GRID2: variants seen among roughly 807,000 people sequenced by gnomAD.
GRID2 encodes glutamate ionotropic receptor delta type subunit 2, also known as glutamate receptor ionotropic, delta-2.
In GRID2, 33 loss-of-function variants were observed where a neutral mutation model predicts 114.8. The observed-to-expected ratio is 0.29, with a 90% CI of 0.22 to 0.38. GRID2 has a LOEUF of 0.38. Among genes scored for constraint, GRID2 ranks in the 10% least tolerant of loss-of-function variants. The pLI is 1.00. For synonymous variants in GRID2, 505 were observed against 449.9 expected (o/e 1.12, Z -1.55); for missense variants, 1,184 against 1,257.7 (o/e 0.94, Z 0.89).
chr4:92,408,431 C>CTTTTTTTTTTTTTTTTTT lies in GRID2; in HGVS notation c.88+103702_88+103719dup, dbSNP rs35638036. Among the ~76,000 whole-genome samples the CTTTTTTTTTTTTTTTTTT allele has an allele frequency of 9.8e-4, 19 of 19,422 alleles. 2 individuals are homozygous for CTTTTTTTTTTTTTTTTTT. The highest frequency in any genetic ancestry group is 1.3e-3 in the South Asian group (1 of 796). 12.7% of individuals were successfully genotyped at this position (19,422 alleles called of 152,430 possible). A position where few individuals can be genotyped will look rare whatever the true frequency, so the allele number is the denominator to read the frequency against. ...TACAATTATATTGCCTATTCAAGCT[C>CTTTTTTTTTTTTTTTTTT]TTTTTTTTTTTTTTTTTTTTTTTTT... On this transcript the variant is annotated intron_variant, in intron 1 of 15. Transcript: ENST00000282020.
At chr4:92,827,891 C>A (rs1444656326) in intron 2 of GRID2, among the ~76,000 whole-genome samples, 1 of 152,102 alleles carries the variant, frequency 6.6e-6, no homozygotes. Flanking sequence ...GCTGTCAAGT[C>A]ATTTGTTTGG....
chr4:92,362,338 GT>G (rs1285631779), intron 1 of GRID2, among the ~76,000 whole-genome samples: 8 of 150,992 alleles, frequency 5.3e-5, no homozygotes, highest in Non-Finnish European at 7.4e-5. Flanking sequence ...AAAGTGGGAA[GT>G]ATGATTTTTT....
chr4:93,594,451 C>A (rs1738807557), intron 13 of GRID2, among the ~76,000 whole-genome samples: 1 of 152,204 alleles, frequency 6.6e-6, no homozygotes, highest in Non-Finnish European at 1.5e-5. Flanking sequence ...CCACTGCTCT[C>A]TTCAAAGCTG....
intron 1 of GRID2, among the ~76,000 whole-genome samples, chr4:92,473,178 C>T (rs1560654105): frequency 6.6e-6 from 1 of 152,044 alleles, no homozygotes; most frequent in South Asian, 2.1e-4. Context: ...CCCTTCACAC[C>T]TTTATCAAAA....
intron 10 of GRID2, among the ~76,000 whole-genome samples, chr4:93,431,555 A>G (rs1769410272): frequency 6.6e-6 from 1 of 152,218 alleles, no homozygotes; most frequent in Non-Finnish European, 1.5e-5. Context: ...TGGTTACCCA[A>G]GCCAGAACTC....
rs139519410 is a variant in GRID2, at chr4:93,149,823, T to A, written c.735+38870T>A. On this transcript the variant is annotated intron_variant, in intron 4 of 15. Coordinates refer to ENST00000282020, the MANE Select transcript of GRID2 (RefSeq NM_001510.4). Reference sequence around the variant, plus strand: ...TAATTTTTTAATTTTCTTGTAGAGATGAGGTCTCACTATGTTGACCAGGCC... The same window carrying A: ...TAATTTTTTAATTTTCTTGTAGAGAAGAGGTCTCACTATGTTGACCAGGCC... Among the ~76,000 whole-genome samples the A allele has an allele frequency of 4.5e-3, 685 of 152,056 alleles. 5 individuals are homozygous for A. Among genetic ancestry groups the A allele is most frequent in the African/African-American group, 0.016 (646 of 41,492 alleles).
chr4:92,917,319 A>G (rs1047923734), intron 2 of GRID2, among the ~76,000 whole-genome samples: 1 of 151,912 alleles, frequency 6.6e-6, no homozygotes, highest in Non-Finnish European at 1.5e-5. Context: ...TTGCCTGTTC[A>G]CTCTGATGGT....
intron 13 of GRID2, among the ~76,000 whole-genome samples, chr4:93,623,004 CATAGTGCTCTAATATTG>C (rs1269112774): frequency 2.6e-5 from 4 of 152,052 alleles, no homozygotes; most frequent in Non-Finnish European, 5.9e-5. Context: ...TGTGATGTGA[CATAGTGCTCTAATATTG>C]ACATTTTTGC....
intron 2 of GRID2, among the ~76,000 whole-genome samples, chr4:92,778,252 C>T (rs969043617): frequency 2.0e-5 from 3 of 152,060 alleles, no homozygotes; most frequent in African/African-American, 7.2e-5. Flanking sequence ...TTTAAATCGA[C>T]AATTGCTCTT....
chr4:93,078,283 CA>C lies in GRID2; in HGVS notation c.245-6709del, dbSNP rs750237334. The stretch of plus-strand genomic sequence containing the variant: ...TGCAGCTCTATAGTCACTTCTGTAG[CA>C]AAGGCTTCCCCAATCTCTAGTTGAG... On this transcript the variant is annotated intron_variant, in intron 2 of 15. Coordinates refer to ENST00000282020, the MANE Select transcript of GRID2 (RefSeq NM_001510.4). Among the ~76,000 whole-genome samples, 10 of 152,166 alleles carry C rather than the reference CA, an allele frequency of 6.6e-5. 1 individual carries two copies. The highest frequency in any genetic ancestry group is 1.5e-4 in the Non-Finnish European group (10 of 68,026).
At chr4:92,776,944 C>G (rs989900743) in intron 2 of GRID2, among the ~76,000 whole-genome samples, 5 of 151,710 alleles carry the variant, frequency 3.3e-5, no homozygotes, top group African/African-American at 1.2e-4. Flanking sequence ...GTGAAGTGAT[C>G]TGAAATATGT....
At chr4:92,756,089 C>A (rs183473653) in intron 2 of GRID2, among the ~76,000 whole-genome samples, 1 of 152,070 alleles carries the variant, frequency 6.6e-6, no homozygotes, top group African/African-American at 2.4e-5. Flanking sequence ...TCTTCACACG[C>A]GTCCCCACCC....
chr4:93,013,142 C>T (rs1722350972), intron 2 of GRID2, among the ~76,000 whole-genome samples: 1 of 152,022 alleles, frequency 6.6e-6, no homozygotes, highest in Non-Finnish European at 1.5e-5. Context: ...AGAGTAATGT[C>T]TGCTTTCCTT....
intron 2 of GRID2, among the ~76,000 whole-genome samples, chr4:92,965,096 G>A (rs984504153): frequency 1.3e-4 from 20 of 151,868 alleles, no homozygotes; most frequent in African/African-American, 4.8e-4. Flanking sequence ...ACTTGAGCAT[G>A]TAGAGACCAT....
chr4:92,316,196 T>C (rs1354977224), intron 1 of GRID2, among the ~76,000 whole-genome samples: 1 of 151,774 alleles, frequency 6.6e-6, no homozygotes, highest in African/African-American at 2.4e-5. Flanking sequence ...CTTCTGTGAA[T>C]GGAAATAACA....
At chr4:92,609,377 T>A (rs1377136752) in intron 2 of GRID2, among the ~76,000 whole-genome samples, 1 of 151,290 alleles carries the variant, frequency 6.6e-6, no homozygotes, top group African/African-American at 2.4e-5. Context: ...TCTGGGAATG[T>A]ATATTCTAGT....
At chr4:93,485,321 A>T (rs1170859840) in intron 11 of GRID2, among the ~76,000 whole-genome samples, 1 of 151,824 alleles carries the variant, frequency 6.6e-6, no homozygotes, top group African/African-American at 2.4e-5. Flanking sequence ...TATTATAAAT[A>T]TCTTCTACTG....
rs142279028 is a variant in GRID2 at position 93,755,145 on chromosome 4, C to T, written c.2361-14065C>T. On this transcript the variant is annotated intron_variant, in intron 14 of 15. Transcript: ENST00000282020. ...TATCCACACCATTTCATTTGTCTAG[C>T]CACATAGACACATAGAAAGGTAGGC... 9.9e-5 allele frequency among the ~76,000 whole-genome samples: 15 copies of T among 152,268 alleles called. No individual in the cohort carries two copies. In the East Asian group the frequency reaches 1.9e-3, roughly 20 times the overall value.
intron 2 of GRID2, among the ~76,000 whole-genome samples, chr4:92,690,217 A>G (rs1242109304): frequency 1.3e-5 from 2 of 152,064 alleles, no homozygotes; most frequent in Non-Finnish European, 2.9e-5. Flanking sequence ...AAAAAAGAAA[A>G]AAAGTATATG....
Sources: allele counts gnomAD v4.1 joint callset (sites outside exome capture counted in the v4.1 genomes callset), GRCh38; gene constraint gnomAD v4.1.1; transcripts MANE v1.5; gene names NCBI Gene and HGNC (gene_info 2026-07-23, HGNC 2026-07-21).